Variants in SEMA3A observed in about 807,000 individuals in gnomAD.
SEMA3A encodes the protein semaphorin-3A.
A neutral mutation model predicts 97.9 loss-of-function variants in SEMA3A; 29 were observed. That is an observed-to-expected ratio of 0.30 (90% CI 0.22 to 0.40). The LOEUF (loss-of-function observed/expected upper bound fraction) is 0.40. Among genes scored for constraint, SEMA3A ranks in the 10% least tolerant of loss-of-function variants. The pLI is 1.00. For synonymous variants in SEMA3A, 321 were observed against 323.7 expected (o/e 0.99, Z 0.09); for missense variants, 763 against 951.3 (o/e 0.80, Z 2.60).
intron 1 of SEMA3A, among the ~76,000 whole-genome samples, chr7:84,143,994 C>CACACACACACAA (rs1348242265): frequency 5.4e-4 from 74 of 137,666 alleles, no homozygotes; most frequent in African/African-American, 2.0e-3. Flanking sequence ...CACACACACA[C>CACACACACACAA]AATTTATTGT....
intron 4 of SEMA3A, among the ~76,000 whole-genome samples, chr7:84,068,339 G>C (rs1793611879): frequency 1.4e-5 from 2 of 147,672 alleles, no homozygotes; most frequent in African/African-American, 5.0e-5. Flanking sequence ...CGAGTTAGTG[G>C]GTGCAGCACA....
intron 3 of SEMA3A, among the ~76,000 whole-genome samples, chr7:84,299,281 TATATATCTATCTCC>T (rs1393760016): frequency 0.026 from 3,719 of 140,982 alleles, 66 homozygotes; most frequent in South Asian, 0.046. Context: ...TATCTCCATA[TATATATCTATCTCC>T]ATATATATAT....
At chr7:84,146,381 A>G (rs1431263511) in intron 1 of SEMA3A, among the ~76,000 whole-genome samples, 1 of 152,152 alleles carries the variant, frequency 6.6e-6, no homozygotes, top group Non-Finnish European at 1.5e-5. Flanking sequence ...TCAGATTTAA[A>G]TATAGGTCTC....
chr7:84,029,779 G>C (rs1406494459), intron 6 of SEMA3A, among the ~76,000 whole-genome samples: 3 of 149,266 alleles, frequency 2.0e-5, no homozygotes, highest in Non-Finnish European at 4.4e-5. Flanking sequence ...ATCTCATAAG[G>C]TTACACATTT....
chr7:84,081,799 A>C (rs1007412759), intron 4 of SEMA3A, among the ~76,000 whole-genome samples: 9 of 151,898 alleles, frequency 5.9e-5, no homozygotes, highest in Admixed American at 3.3e-4. Flanking sequence ...AATAAATTCT[A>C]TATATATTTT....
chr7:84,431,693 TAA>T lies in SEMA3A; in HGVS notation c.-245-59795_-245-59794del, dbSNP rs1804985753. On this transcript the variant is annotated intron_variant, in intron 1 of 3. Coordinates refer to the SEMA3A transcript ENST00000424555. ...ATAATTTGATCTAAGAATTATTGAA[TAA>T]TAGATAAAGCCAGCTTCAATAATTA... 7.9e-5 allele frequency among the ~76,000 whole-genome samples: 12 copies of T among 152,080 alleles called. No individual in the cohort carries two copies. The South Asian group carries it at 2.5e-3, about 32-fold the overall frequency.
chr7:84,398,545 A>G (rs1803803596), intron 1 of SEMA3A, among the ~76,000 whole-genome samples: 2 of 152,160 alleles, frequency 1.3e-5, no homozygotes, highest in Non-Finnish European at 2.9e-5. Context: ...ACTGCTTGAG[A>G]CCAGGAATTT....
intron 1 of SEMA3A, among the ~76,000 whole-genome samples, chr7:84,379,982 T>C (rs1562926563): frequency 6.6e-6 from 1 of 152,202 alleles, no homozygotes; most frequent in Non-Finnish European, 1.5e-5. Flanking sequence ...AGTTATGTTT[T>C]GGAGTGAGAT....
intron 3 of SEMA3A, among the ~76,000 whole-genome samples, chr7:84,260,014 A>C (rs1411763156): frequency 1.3e-5 from 2 of 152,140 alleles, no homozygotes; most frequent in African/African-American, 4.8e-5. Context: ...AGTTGTTTTC[A>C]AAGACATTTT....
At chr7:84,174,745 A>G (rs925352658) in intron 1 of SEMA3A, among the ~76,000 whole-genome samples, 4 of 152,200 alleles carry the variant, frequency 2.6e-5, no homozygotes, top group African/African-American at 9.6e-5. Flanking sequence ...AATTATAATT[A>G]GTATTCTTGT....
chr7:84,296,672 T>C (rs1800880627), intron 3 of SEMA3A, among the ~76,000 whole-genome samples: 1 of 152,196 alleles, frequency 6.6e-6, no homozygotes, highest in Non-Finnish European at 1.5e-5. Flanking sequence ...TTTTTATGAT[T>C]GCATATGCTT....
At position 84,194,613 on chromosome 7, in the gene SEMA3A, T is replaced by C. The variant is rs765602285; in HGVS notation, c.-27A>G. 7.3e-7 allele frequency: 1 copy of C among 1,375,904 alleles called. No homozygotes were observed. Among genetic ancestry groups the C allele is most frequent in the Non-Finnish European group, 1.0e-6 (1 of 964,148 alleles). 85.2% of individuals were successfully genotyped at this position (1,375,904 alleles called of 1,614,324 possible). ...CTGCAGACGCTGTAGGTCCCTTTGC[T>C]GCTTTAGTCTTCCTTCCTGTATTGT... On this transcript the variant is annotated 5_prime_UTR_variant, in exon 1 of 17. Coordinates refer to ENST00000265362, the MANE Select transcript of SEMA3A (RefSeq NM_006080.3).
At chr7:84,427,704 T>C (rs1804865906) in intron 1 of SEMA3A, among the ~76,000 whole-genome samples, 1 of 143,502 alleles carries the variant, frequency 7.0e-6, no homozygotes, top group Non-Finnish European at 1.6e-5. Flanking sequence ...TAATAGTTTT[T>C]TTATGTATTA....
intron 3 of SEMA3A, among the ~76,000 whole-genome samples, chr7:84,118,109 C>T (rs1795489570): frequency 6.6e-6 from 1 of 152,024 alleles, no homozygotes; most frequent in African/African-American, 2.4e-5. Context: ...GAGTTTAAGC[C>T]TATACTTGGT....
intron 3 of SEMA3A, among the ~76,000 whole-genome samples, chr7:84,290,468 G>A: frequency 6.7e-6 from 1 of 150,132 alleles, no homozygotes; most frequent in Non-Finnish European, 1.5e-5. Context: ...TCTTAACTGT[G>A]TCTAAGGAGC....
chr7:84,049,476 G>A (rs567875630), intron 5 of SEMA3A, among the ~76,000 whole-genome samples: 1 of 152,088 alleles, frequency 6.6e-6, no homozygotes, highest in Non-Finnish European at 1.5e-5. Context: ...TTCTCATTAA[G>A]TAGAAATGTA....
At chr7:84,076,881 T>C (rs781023417) in intron 4 of SEMA3A, among the ~76,000 whole-genome samples, 10 of 152,082 alleles carry the variant, frequency 6.6e-5, no homozygotes, top group African/African-American at 9.7e-5. Flanking sequence ...CCAAAAAACA[T>C]TGGGGCCATA....
intron 1 of SEMA3A, among the ~76,000 whole-genome samples, chr7:84,190,172 G>A (rs1032042005): frequency 1.3e-5 from 2 of 151,590 alleles, no homozygotes; most frequent in Non-Finnish European, 1.5e-5. Context: ...TCTTTCAAAG[G>A]TCAATCTGGT....
At chr7:84,118,097 T>C (rs1467562458) in intron 3 of SEMA3A, among the ~76,000 whole-genome samples, 2 of 152,210 alleles carry the variant, frequency 1.3e-5, no homozygotes, top group East Asian at 1.9e-4. Flanking sequence ...ATGTAGTTAA[T>C]AGAGTTTAAG....
Sources: gnomAD v4.1 joint callset for allele counts (sites outside exome capture counted in the v4.1 genomes callset) on GRCh38, gnomAD v4.1.1 for gene constraint, MANE v1.5 for transcripts, NCBI Gene and HGNC (gene_info 2026-07-23, HGNC 2026-07-21) for gene names.